C11orf58: variants seen among roughly 807,000 people sequenced by gnomAD.
C11orf58 encodes small acidic protein.
C11orf58 carries 5 observed loss-of-function variants against 22.7 expected under a neutral mutation model. That is an observed-to-expected ratio of 0.22 (90% CI 0.12 to 0.46). The LOEUF (loss-of-function observed/expected upper bound fraction) is 0.46, where lower values mean the gene tolerates loss of function less well. Ranked by LOEUF, C11orf58 falls within the 20% of genes least tolerant of loss-of-function variation. The pLI is 0.99. For missense variants in C11orf58, 151 were observed against 223.3 expected (o/e 0.68, Z 2.06); for synonymous variants, 71 against 70.7 (o/e 1.00, Z -0.02).
chr11:16,747,606 A>G (rs1848497705), intron 2 of C11orf58: 1 of 152,310 alleles, frequency 6.6e-6, no homozygotes, highest in Admixed American at 6.5e-5. Context: ...AATGATTGTG[A>G]TATACTGTAA....
Position 16,755,481 on chromosome 11 carries a change from G to C in C11orf58, c.*377G>C. 1 of 159,942 alleles carries C rather than the reference G, an allele frequency of 6.3e-6. No homozygotes were observed. The highest frequency in any genetic ancestry group is 1.7e-4 in the South Asian group (1 of 5,772). The allele number at this position is 159,942 out of a possible 1,614,324, so 9.9% of individuals were successfully genotyped here. A position where few individuals can be genotyped will look rare whatever the true frequency, so the allele number is the denominator to read the frequency against. ...TGATACTGTGATATGTTCACGAAAA[G>C]TATTCTTTAATTATTCTTTGTTATA... On this transcript the variant is annotated 3_prime_UTR_variant, in exon 5 of 5. Transcript: ENST00000228136.
chr11:16,739,103 G>C (rs1419969708), intron 1 of C11orf58, among the ~76,000 whole-genome samples: 1 of 152,178 alleles, frequency 6.6e-6, no homozygotes, highest in Non-Finnish European at 1.5e-5. Flanking sequence ...AGGAGTGAAA[G>C]AGCTTAGTCA....
intron 4 of C11orf58, among the ~76,000 whole-genome samples, chr11:16,754,645 C>G (rs995833575): frequency 7.3e-6 from 1 of 136,516 alleles, no homozygotes; most frequent in Non-Finnish European, 1.5e-5. Flanking sequence ...CTCAAGCAAT[C>G]CCCCTGCCTC....
Position 16,748,171 on chromosome 11 carries a change from G to A in C11orf58, c.208+14G>A. On this transcript the variant is annotated intron_variant, in intron 3 of 4. Coordinates refer to ENST00000228136, the MANE Select transcript of C11orf58 (RefSeq NM_014267.6). ...ACTTCCGAACCGGTAAGAAAGTAAA[G>A]TGTAATTAAAATGGAAGTGCTAAAT... 1 of 1,601,580 alleles carries A rather than the reference G, an allele frequency of 6.2e-7. No homozygotes were observed. The highest frequency in any genetic ancestry group is 8.6e-7 in the Non-Finnish European group (1 of 1,168,882).
rs1466018633 is a variant in C11orf58 at position 16,744,690 on chromosome 11, C to T, written c.147+6C>T. ...GACTTATGGGTGCAGGAAAGGTAAG[C>T]ATCAGATGGTGTGCATTTTTACCTT... On this transcript the variant is annotated splice_donor_region_variant and intron_variant, in intron 2 of 4. Transcript: ENST00000228136. The T allele has an allele frequency of 1.2e-6, 2 of 1,610,764 alleles. No individual in the cohort carries two copies. The highest frequency in any genetic ancestry group is 1.7e-5 in the Admixed American group (1 of 59,628).
intron 2 of C11orf58, chr11:16,746,814 G>T (rs1848491277): frequency 6.6e-6 from 1 of 152,102 alleles, no homozygotes; most frequent in African/African-American, 2.4e-5. Context: ...CACCATGACT[G>T]GCTAATTTTT....
chr11:16,750,772 AATAC>A (rs1848526630), intron 3 of C11orf58: 1 of 153,224 alleles, frequency 6.5e-6, no homozygotes, highest in Non-Finnish European at 1.5e-5. Flanking sequence ...CAAGTCTTTA[AATAC>A]ATATCAGGAA....
At position 16,756,312 on chromosome 11, in the gene C11orf58, C is replaced by G. The variant is rs1030540567; in HGVS notation, c.*1208C>G. Reference sequence around the variant, plus strand: ...TGAGACGGAGTCTCATTCTGTCGCCCAGGCTGGAGTGCAGTGGCGCGATCT... The same window carrying G: ...TGAGACGGAGTCTCATTCTGTCGCCGAGGCTGGAGTGCAGTGGCGCGATCT... On this transcript the variant is annotated 3_prime_UTR_variant, in exon 5 of 5. Coordinates refer to ENST00000228136, the MANE Select transcript of C11orf58 (RefSeq NM_014267.6). 2.8e-5 allele frequency: 4 copies of G among 144,838 alleles called. No individual in the cohort carries two copies. Among genetic ancestry groups the G allele is most frequent in the African/African-American group, 1.0e-4 (4 of 39,110 alleles). The allele number at this position is 144,838 out of a possible 1,614,324, so 9.0% of individuals were successfully genotyped here.
chr11:16,743,371 G>A (rs1259628629), intron 1 of C11orf58, among the ~76,000 whole-genome samples: 4 of 152,114 alleles, frequency 2.6e-5, no homozygotes, highest in African/African-American at 9.7e-5. Flanking sequence ...TCCTGCTGAT[G>A]GCTCTCCCAG....
intron 1 of C11orf58, among the ~76,000 whole-genome samples, chr11:16,742,501 G>A (rs1361844477): frequency 6.6e-6 from 1 of 152,082 alleles, no homozygotes; most frequent in Non-Finnish European, 1.5e-5. Context: ...AGAACTAAAT[G>A]GCCCATAAAA....
chr11:16,745,527 CTCT>C (rs1187989894), intron 2 of C11orf58, among the ~76,000 whole-genome samples: 2 of 152,144 alleles, frequency 1.3e-5, no homozygotes, highest in African/African-American at 2.4e-5. Flanking sequence ...AAATAATTGA[CTCT>C]TCATTAATTG....
rs796378286 is a variant in C11orf58, at chr11:16,748,436, T to TA, written c.208+290dup. On this transcript the variant is annotated intron_variant, in intron 3 of 4. Coordinates refer to ENST00000228136, the MANE Select transcript of C11orf58 (RefSeq NM_014267.6). Reference sequence around the variant, plus strand: ...AGAGCAAGACCTCATCTCTTAAATTTAAAAAAAAAAAGGAGAGAAAAAAAT... The same window carrying TA: ...AGAGCAAGACCTCATCTCTTAAATTTAAAAAAAAAAAAGGAGAGAAAAAAAT... 1,671 of 175,436 alleles carry TA rather than the reference T, an allele frequency of 9.5e-3. 3 individuals are homozygous for TA. The highest frequency in any genetic ancestry group is 0.014 in the African/African-American group (550 of 40,138). 10.9% of individuals were successfully genotyped at this position (175,436 alleles called of 1,614,324 possible).
intron 4 of C11orf58, 46 bp downstream of exon 4, chr11:16,752,940 T>G (rs754385183): frequency 2.1e-6 from 3 of 1,440,922 alleles, no homozygotes; most frequent in Non-Finnish European, 9.7e-7. Flanking sequence ...AGTTTTCAAT[T>G]TGGTACCATT....
intron 1 of C11orf58, 45 bp downstream of exon 1, chr11:16,738,886 G>C (rs1164349354): frequency 6.2e-7 from 1 of 1,609,260 alleles, no homozygotes; most frequent in Non-Finnish European, 8.5e-7. Flanking sequence ...GCCTACTAAA[G>C]CCTGGAGTAG....
intron 3 of C11orf58, chr11:16,750,273 TG>T: frequency 6.6e-6 from 1 of 152,252 alleles, no homozygotes; most frequent in African/African-American, 2.4e-5. Flanking sequence ...CTTCACCACA[TG>T]GAGACCAAAC....
intron 1 of C11orf58, among the ~76,000 whole-genome samples, chr11:16,742,850 T>G (rs1848458587): frequency 6.6e-6 from 1 of 152,220 alleles, no homozygotes; most frequent in Non-Finnish European, 1.5e-5. Context: ...ATGCTAAATG[T>G]GGGGGATTGG....
In C11orf58 at chr11:16,755,728, C is replaced by A. The variant is rs565613519; in HGVS notation, c.*624C>A. ...AGTCTTTTTATAATTTGGATTGTAT[C>A]GTATGTTAGATTTTTGATAAAATTT... On this transcript the variant is annotated 3_prime_UTR_variant, in exon 5 of 5. Coordinates refer to ENST00000228136, the MANE Select transcript of C11orf58 (RefSeq NM_014267.6). 2.6e-5 allele frequency: 4 copies of A among 152,584 alleles called. No homozygotes were observed. The highest frequency in any genetic ancestry group is 9.6e-5 in the African/African-American group (4 of 41,526). The allele number at this position is 152,584 out of a possible 1,614,324, so 9.5% of individuals were successfully genotyped here.
intron 1 of C11orf58, among the ~76,000 whole-genome samples, chr11:16,743,562 A>T (rs1056540556): frequency 1.3e-5 from 2 of 152,196 alleles, no homozygotes; most frequent in Middle Eastern, 3.2e-3. Context: ...TTCGTCTAAT[A>T]ATGATTAATG....
rs773068629 is a variant in C11orf58, at chr11:16,755,115, CTT to C, written c.*12_*13del. The C allele has an allele frequency of 1.2e-5, 20 of 1,612,676 alleles. No individual in the cohort carries two copies. The African/African-American group carries it at 2.5e-4, about 20-fold the overall frequency. Reference sequence around the variant, plus strand: ...TCCAGTGGTTCATAACTCCCAAACGCTTAGTCTTTGTATTAAAAGTAAGCCTT... The same window carrying C: ...TCCAGTGGTTCATAACTCCCAAACGCAGTCTTTGTATTAAAAGTAAGCCTT... On this transcript the variant is annotated 3_prime_UTR_variant, in exon 5 of 5. Transcript: ENST00000228136.
Sources: allele counts gnomAD v4.1 joint callset (sites outside exome capture counted in the v4.1 genomes callset), GRCh38; gene constraint gnomAD v4.1.1; transcripts MANE v1.5; gene names NCBI Gene and HGNC (gene_info 2026-07-23, HGNC 2026-07-21).